TSEN15: variants seen among roughly 807,000 people sequenced by gnomAD.
TSEN15 encodes the protein tRNA-splicing endonuclease subunit Sen15.
Under a neutral mutation model 20.5 loss-of-function variants are expected in TSEN15, and 10 were observed. That is an observed-to-expected ratio of 0.49 (90% CI 0.30 to 0.83). The LOEUF (loss-of-function observed/expected upper bound fraction) is 0.83. Among genes scored for constraint, TSEN15 ranks in the 40% least tolerant of loss-of-function variants. TSEN15 has a pLI of 0.06. For missense variants in TSEN15, 180 were observed against 218.6 expected, an observed-to-expected ratio of 0.82 and a Z score of 1.11; for synonymous variants, 72 against 80.1, an observed-to-expected ratio of 0.90 and a Z score of 0.54.
intron 2 of TSEN15, 139 bp from the exon 3 acceptor site, chr1:184,054,589 A>G: frequency 5.9e-6 from 7 of 1,188,010 alleles, no homozygotes; most frequent in Non-Finnish European, 7.1e-6. Flanking sequence ...ATTACTGAGT[A>G]ACAGAAGCTA....
chr1:184,057,208 A>G (rs1359790384), intron 3 of TSEN15, among the ~76,000 whole-genome samples: 1 of 152,148 alleles, frequency 6.6e-6, no homozygotes, highest in African/African-American at 2.4e-5. Context: ...AGAGATGACA[A>G]TTATTGATGG....
At chr1:184,063,059 CT>C (rs1650523430) in intron 3 of TSEN15, among the ~76,000 whole-genome samples, 1 of 152,036 alleles carries the variant, frequency 6.6e-6, no homozygotes. Context: ...GTAAATGGTT[CT>C]TTCTTCTCAG....
intron 3 of TSEN15, among the ~76,000 whole-genome samples, chr1:184,061,445 A>G (rs1051673595): frequency 5.3e-5 from 8 of 152,160 alleles, no homozygotes; most frequent in Admixed American, 6.5e-5. Context: ...TATTATTTAC[A>G]AAGAGCATAT....
At chr1:184,071,140 C>T (rs1037266549) in intron 3 of TSEN15, 2 of 151,972 alleles carry the variant, frequency 1.3e-5, no homozygotes, top group African/African-American at 2.4e-5. Flanking sequence ...TAAAGGTGTA[C>T]TACTATCTTC....
chr1:184,058,150 G>A (rs1304122327), intron 3 of TSEN15: 4 of 426,382 alleles, frequency 9.4e-6, no homozygotes, highest in Non-Finnish European at 1.9e-5. Context: ...TTAATTTCTA[G>A]TATTTTCCAG....
At chr1:184,058,551 T>A (rs1650332233) in intron 3 of TSEN15, among the ~76,000 whole-genome samples, 1 of 152,084 alleles carries the variant, frequency 6.6e-6, no homozygotes, top group South Asian at 2.1e-4. Flanking sequence ...ATTTTTACTT[T>A]TAGTGTATTT....
rs370589766 is a variant in TSEN15 at position 184,054,539 on chromosome 1, A to G, written c.217+104A>G. 7.6e-6 allele frequency: 9 copies of G among 1,180,754 alleles called. No individual in the cohort carries two copies. The South Asian group carries it at 1.3e-4, about 17-fold the overall frequency. The allele number at this position is 1,180,754 out of a possible 1,614,324, so 73.1% of individuals were successfully genotyped here. ...TAACATAATAAGCAATCTTTTATGC[A>G]TTTGCTGTTAATTTTGCAATTTATT... is the stretch of plus-strand genomic sequence containing the variant. On this transcript the variant is annotated intron_variant, in intron 2 of 4. Coordinates refer to ENST00000645668, the MANE Select transcript of TSEN15 (RefSeq NM_052965.4).
intron 3 of TSEN15, among the ~76,000 whole-genome samples, chr1:184,063,375 T>C (rs905699953): frequency 2.0e-5 from 3 of 152,196 alleles, no homozygotes; most frequent in Non-Finnish European, 4.4e-5. Flanking sequence ...TTGGTTTGAA[T>C]AAAATTATTT....
At chr1:184,087,861 GA>G in intron 3 of TSEN15, among the ~76,000 whole-genome samples, 1 of 152,284 alleles carries the variant, frequency 6.6e-6, no homozygotes, top group African/African-American at 2.4e-5. Context: ...ACTTTGCGGG[GA>G]TAACAAGGTA....
intron 3 of TSEN15, among the ~76,000 whole-genome samples, chr1:184,087,910 A>T (rs966719169): frequency 1.3e-5 from 2 of 152,180 alleles, no homozygotes; most frequent in Non-Finnish European, 2.9e-5. Context: ...TTTGGTTGAG[A>T]TAGTATCGGA....
chr1:184,079,631 A>G (rs1361597145), intron 3 of TSEN15, among the ~76,000 whole-genome samples: 1 of 152,110 alleles, frequency 6.6e-6, no homozygotes, highest in Non-Finnish European at 1.5e-5. Flanking sequence ...GCATCTTTTC[A>G]TCTTCTTATA....
intron 3 of TSEN15, among the ~76,000 whole-genome samples, chr1:184,083,814 T>C (rs894814443): frequency 6.6e-6 from 1 of 152,198 alleles, no homozygotes; most frequent in African/African-American, 2.4e-5. Context: ...GTGCAGATAC[T>C]ATCTGTGATC....
intron 3 of TSEN15, among the ~76,000 whole-genome samples, chr1:184,060,470 A>C (rs1486814160): frequency 6.6e-6 from 1 of 152,256 alleles, no homozygotes; most frequent in Non-Finnish European, 1.5e-5. Flanking sequence ...CACAAAGAAC[A>C]CTATGAAAAT....
intron 3 of TSEN15, among the ~76,000 whole-genome samples, chr1:184,090,008 A>G (rs1015426705): frequency 6.6e-6 from 1 of 152,252 alleles, no homozygotes; most frequent in African/African-American, 2.4e-5. Context: ...TAATGTCCAC[A>G]CAAAGACCTG....
chr1:184,081,235 G>C (rs968906673), intron 3 of TSEN15, among the ~76,000 whole-genome samples: 14 of 152,154 alleles, frequency 9.2e-5, no homozygotes, highest in African/African-American at 3.4e-4. Context: ...GGGTGGGCTG[G>C]ATTATTATGC....
chr1:184,053,619 A>G (rs929950173), intron 1 of TSEN15, among the ~76,000 whole-genome samples: 1 of 152,216 alleles, frequency 6.6e-6, no homozygotes, highest in African/African-American at 2.4e-5. Context: ...ATATCCACCT[A>G]GTCGCTGGCA....
chr1:184,072,338 A>G (rs143508231), intron 4 of TSEN15, 40 bp downstream of exon 4: 21 of 1,567,276 alleles, frequency 1.3e-5, no homozygotes, highest in Non-Finnish European at 1.5e-5. Context: ...GTACAAAAAG[A>G]GGAAAATTAT....
rs1195827658 is a variant in TSEN15 at position 184,054,744 on chromosome 1, A to G, written c.234A>G (p.Glu78=). The change falls in exon 3 of 5, where the codon GAA becomes GAG. Residue 78 remains glutamate (E), a synonymous_variant. Transcript: ENST00000645668. ...CTCTTTCAGGCAAAAGCTGGCATGA[A>G]GTAAACTGTGTAGGATTACCAGAAC... ...LDLMESKSWH[E]VNCVGLPELQ... 1.9e-6 allele frequency: 3 copies of G among 1,611,958 alleles called. No individual in the cohort carries two copies. The highest frequency in any genetic ancestry group is 3.3e-5 in the Admixed American group (2 of 59,928).
At position 184,068,960 on chromosome 1, in the gene TSEN15, C is replaced by T. The variant is rs150285710; in HGVS notation, c.354-3197C>T. ...ATAGCATTTGAAGTTAAAAGTAATG[C>T]GGTCTTCAACTTCTTGTCCTCTGTG... On this transcript the variant is annotated intron_variant, in intron 3 of 4. Coordinates refer to ENST00000645668, the MANE Select transcript of TSEN15 (RefSeq NM_052965.4). Among the ~76,000 whole-genome samples, 472 of 152,248 alleles carry T rather than the reference C, an allele frequency of 3.1e-3. 2 individuals are homozygous for T. Among genetic ancestry groups the T allele is most frequent in the African/African-American group, 7.4e-3 (306 of 41,546 alleles).
Sources: allele counts gnomAD v4.1 joint callset (sites outside exome capture counted in the v4.1 genomes callset), GRCh38; gene constraint gnomAD v4.1.1; transcripts MANE v1.5; gene names NCBI Gene and HGNC (gene_info 2026-07-23, HGNC 2026-07-21).